The following ATP2B2 variants were observed in gnomAD, a reference collection of about 807,000 sequenced individuals.
The protein encoded by ATP2B2 is ATPase plasma membrane Ca2+ transporting 2, also known as plasma membrane calcium-transporting ATPase 2.
ATP2B2 carries 15 observed loss-of-function variants against 120.0 expected under a neutral mutation model. The ratio of observed to expected loss-of-function variants is 0.12; its 90% CI spans 0.08 to 0.19. ATP2B2 has a LOEUF of 0.19. ATP2B2 is among the 10% of genes least tolerant of loss of function. The pLI is 1.00. For missense variants in ATP2B2, 1,045 were observed against 1,719.8 expected (o/e 0.61, Z 6.94); for synonymous variants, 694 against 700.3 (o/e 0.99, Z 0.14).
At chr3:10,682,132 T>C (rs1262492174) in intron 1 of ATP2B2, among the ~76,000 whole-genome samples, 2 of 152,190 alleles carry the variant, frequency 1.3e-5, no homozygotes, top group African/African-American at 4.8e-5. Context: ...ATTGATTCCA[T>C]AACACGAGAC....
At chr3:10,464,424 A>T (rs1458358389) in intron 1 of ATP2B2, among the ~76,000 whole-genome samples, 1 of 152,066 alleles carries the variant, frequency 6.6e-6, no homozygotes, top group Non-Finnish European at 1.5e-5. Flanking sequence ...AAATAAAAGC[A>T]AGCCAGGACA....
chr3:10,331,526 G>T (rs1159385560), intron 22 of ATP2B2, among the ~76,000 whole-genome samples: 1 of 152,148 alleles, frequency 6.6e-6, no homozygotes, highest in Admixed American at 6.5e-5. Context: ...CCTCCCCGTG[G>T]CATGGAGACA....
intron 2 of ATP2B2, among the ~76,000 whole-genome samples, chr3:10,414,747 G>A (rs990993312): frequency 6.6e-6 from 1 of 152,156 alleles, no homozygotes; most frequent in Admixed American, 6.5e-5. Context: ...AGGGTGAGGG[G>A]TCGGCACAGA....
chr3:10,426,857 G>C lies in ATP2B2; in HGVS notation c.200-16042C>G, dbSNP rs538589558. Among the ~76,000 whole-genome samples the C allele has an allele frequency of 1.2e-4, 15 of 130,080 alleles. No homozygotes were observed. The South Asian group carries it at 4.2e-3, about 37-fold the overall frequency. The allele number at this position is 130,080 out of a possible 152,430, so 85.3% of individuals were successfully genotyped here. On this transcript the variant is annotated intron_variant, in intron 2 of 22. Transcript: ENST00000360273. ...CTCAGGGAGAAAGAATTTTGCGGGGGATAGGAGGGTGGGGTGGGGGTGGGG... is the reference window on the plus strand; with the variant it reads ...CTCAGGGAGAAAGAATTTTGCGGGGCATAGGAGGGTGGGGTGGGGGTGGGG...
At chr3:10,423,280 C>T (rs764865460) in intron 2 of ATP2B2, among the ~76,000 whole-genome samples, 4 of 152,238 alleles carry the variant, frequency 2.6e-5, no homozygotes, top group Non-Finnish European at 2.9e-5. Flanking sequence ...CTCTCCTCCA[C>T]ATCCGGTGGC....
chr3:10,345,337 G>T (rs749999463), intron 18 of ATP2B2, 47 bp downstream of exon 18: 3 of 1,605,426 alleles, frequency 1.9e-6, no homozygotes, highest in South Asian at 2.2e-5. Flanking sequence ...CTCTGTGGGG[G>T]GTCTCCGCCC....
chr3:10,558,578 C>G (rs1377921981), intron 2 of ATP2B2, among the ~76,000 whole-genome samples: 1 of 152,010 alleles, frequency 6.6e-6, no homozygotes, highest in Non-Finnish European at 1.5e-5. Context: ...CTTCCCAGTC[C>G]CTGGATCCAG....
chr3:10,648,462 G>A (rs909080939), intron 1 of ATP2B2, among the ~76,000 whole-genome samples: 1 of 152,168 alleles, frequency 6.6e-6, no homozygotes, highest in Non-Finnish European at 1.5e-5. Flanking sequence ...CCCTGACTCT[G>A]CCATCAAGGC....
chr3:10,362,281 C>A lies in ATP2B2; in HGVS notation c.1660-2158G>T, dbSNP rs9844645. Among the ~76,000 whole-genome samples, 85 of 152,346 alleles carry A rather than the reference C, an allele frequency of 5.6e-4. 1 individual carries two copies. The highest frequency in any genetic ancestry group is 2.0e-3 in the African/African-American group (82 of 41,592). Reference sequence around the variant, plus strand: ...GAAGGTGGACTCAGGAAGATGTCAGCATGGACTGGCTGTGCAGGGACAGGG... The same window carrying A: ...GAAGGTGGACTCAGGAAGATGTCAGAATGGACTGGCTGTGCAGGGACAGGG... On this transcript the variant is annotated intron_variant, in intron 12 of 22. Coordinates refer to ENST00000360273, the MANE Select transcript of ATP2B2 (RefSeq NM_001001331.4).
chr3:10,700,514 GC>G (rs1353846866), intron 1 of ATP2B2, among the ~76,000 whole-genome samples: 2 of 152,202 alleles, frequency 1.3e-5, no homozygotes, highest in Admixed American at 6.5e-5. Flanking sequence ...GTCAACAAAT[GC>G]CATGCACAGT....
Position 10,410,635 on chromosome 3 carries a change from G to T in ATP2B2, c.380C>A (p.Pro127His). 1 of 1,607,868 alleles carries T rather than the reference G, an allele frequency of 6.2e-7. No individual in the cohort carries two copies. Among genetic ancestry groups the T allele is most frequent in the Non-Finnish European group, 8.5e-7 (1 of 1,175,216 alleles). The change falls in exon 3 of 23, where the codon CCC becomes CAC. Residue 127 changes from proline (P) to histidine (H), a missense_variant. Pro to His is a moderately conservative substitution (Grantham distance 77). Around this residue, in one of 11 missense-constraint regions of ATP2B2, gnomAD observed 35 missense variants for 37.2 expected, o/e 0.94. Coordinates refer to ENST00000360273, the MANE Select transcript of ATP2B2 (RefSeq NM_001001331.4). ...CATCTTACCTTCGTTGCCCTCGCCG[G>T]GCGGGTGGTAGAAGGACAGCCCCAG... ...ISLGLSFYHP[P>H]GEGNEGCATA... is the part of the protein sequence containing the mutation.
intron 1 of ATP2B2, among the ~76,000 whole-genome samples, chr3:10,666,032 T>A (rs2070922004): frequency 6.6e-6 from 1 of 152,156 alleles, no homozygotes; most frequent in African/African-American, 2.4e-5. Flanking sequence ...AACTTGCTTT[T>A]GGTTTTAAAA....
rs114600030 is a variant in ATP2B2, at chr3:10,520,067, C to T, written c.-320+13972G>A. On this transcript the variant is annotated intron_variant, in intron 3 of 21. Transcript: ENST00000646379. ...CTCATGGTCACTGGGACATGCTGCTCTTCCTAAAATCAGCCCTAACAGATA... is the reference window on the plus strand; with the variant it reads ...CTCATGGTCACTGGGACATGCTGCTTTTCCTAAAATCAGCCCTAACAGATA... Among the ~76,000 whole-genome samples the T allele has an allele frequency of 7.7e-3, 1,167 of 152,300 alleles. 15 individuals carry two copies. The highest frequency in any genetic ancestry group is 0.012 in the Non-Finnish European group (833 of 68,024).
chr3:10,427,374 A>G (rs2063178549), intron 2 of ATP2B2, among the ~76,000 whole-genome samples: 1 of 152,086 alleles, frequency 6.6e-6, no homozygotes, highest in South Asian at 2.1e-4. Flanking sequence ...GACTCTCGGC[A>G]TCTCCCATCT....
At chr3:10,411,467 C>G (rs975284311) in intron 2 of ATP2B2, among the ~76,000 whole-genome samples, 3 of 152,308 alleles carry the variant, frequency 2.0e-5, no homozygotes, top group South Asian at 2.1e-4. Context: ...GCGCTGGTAC[C>G]CTCCTTCCGC....
At chr3:10,395,521 G>C (rs1488035741) in intron 5 of ATP2B2, among the ~76,000 whole-genome samples, 1 of 152,238 alleles carries the variant, frequency 6.6e-6, no homozygotes, top group Non-Finnish European at 1.5e-5. Context: ...AGGAGAGTGA[G>C]ATTTGTCAGA....
At chr3:10,579,847 A>C (rs979661829) in intron 2 of ATP2B2, among the ~76,000 whole-genome samples, 1 of 151,982 alleles carries the variant, frequency 6.6e-6, no homozygotes, top group Non-Finnish European at 1.5e-5. Context: ...AAACAAAACA[A>C]AGAAACAGAC....
At chr3:10,405,684 T>C (rs1459150235) in intron 3 of ATP2B2, among the ~76,000 whole-genome samples, 1 of 152,116 alleles carries the variant, frequency 6.6e-6, no homozygotes, top group Non-Finnish European at 1.5e-5. Flanking sequence ...ATAGAGGGTG[T>C]GGCCTCTCCC....
At chr3:10,590,521 G>T (rs1382304162) in intron 2 of ATP2B2, among the ~76,000 whole-genome samples, 1 of 152,230 alleles carries the variant, frequency 6.6e-6, no homozygotes, top group African/African-American at 2.4e-5. Flanking sequence ...CCTCCTGTGG[G>T]TTGCCTAGGG....
Sources: gnomAD v4.1 joint callset for allele counts (sites outside exome capture counted in the v4.1 genomes callset) on GRCh38, gnomAD v4.1.1 for gene constraint, gnomAD v4.1.1 regional missense constraint, MANE v1.5 for transcripts, NCBI Gene and HGNC (gene_info 2026-07-23, HGNC 2026-07-21) for gene names.